The following ZNF606 variants were observed in gnomAD, a reference collection of about 807,000 sequenced individuals.
ZNF606 encodes the protein zinc finger protein 606, also known as zinc finger protein 328.
A neutral mutation model predicts 74.9 loss-of-function variants in ZNF606; 37 were observed. The ratio of observed to expected loss-of-function variants is 0.49; its 90% confidence interval spans 0.38 to 0.65. ZNF606 has a LOEUF of 0.65. ZNF606 is among the 30% of genes least tolerant of loss of function. ZNF606 has a pLI of 0.00. For synonymous variants in ZNF606, 328 were observed against 312.4 expected, an observed-to-expected ratio of 1.05 and a Z score of -0.53; for missense variants, 852 against 952.9, an observed-to-expected ratio of 0.89 and a Z score of 1.39.
chr19:57,980,110 C>T lies in ZNF606; in HGVS notation c.570G>A (p.Gln190=). 6.2e-7 allele frequency: 1 copy of T among 1,614,074 alleles called. No individual in the cohort carries two copies. Among genetic ancestry groups the T allele is most frequent in the Non-Finnish European group, 8.5e-7 (1 of 1,180,034 alleles). Reference sequence around the variant, plus strand: ...AGACCATCTGCCTCATAGCTGTACTCTGGTTCATGTGGTACATTTCTAATT... The same window carrying T: ...AGACCATCTGCCTCATAGCTGTACTTTGGTTCATGTGGTACATTTCTAATT... ...KDQLEMYHMN[Q]STAMRQMVFM... is the part of the protein sequence containing the mutation. The change falls in exon 7 of 7, where the codon CAG becomes CAA. Residue 190 remains glutamine, a synonymous_variant. Coordinates refer to ENST00000551380, the MANE Select transcript of ZNF606 (RefSeq NM_001348022.3).
intron 4 of ZNF606, chr19:57,998,576 T>C (rs930241288): frequency 5.9e-5 from 9 of 152,190 alleles, no homozygotes; most frequent in Admixed American, 2.0e-4. Context: ...AGGGAGTGAC[T>C]ACTAATGGGT....
At chr19:57,995,536 T>G (rs1174311101) in intron 4 of ZNF606, among the ~76,000 whole-genome samples, 3 of 151,742 alleles carry the variant, frequency 2.0e-5, no homozygotes, top group Non-Finnish European at 4.4e-5. Flanking sequence ...GGAAAAAAAA[T>G]AGATTGTTGG....
At chr19:57,988,127 A>T in intron 6 of ZNF606, 80 bp downstream of exon 6, 1 of 1,042,842 alleles carries the variant, frequency 9.6e-7, no homozygotes, top group Non-Finnish European at 1.4e-6. Flanking sequence ...GAGGAAGGTA[A>T]CTCTTCATGG....
At chr19:57,988,805 GGA>G in intron 4 of ZNF606, 84 bp from the exon 5 acceptor site, 4 of 1,594,738 alleles carry the variant, frequency 2.5e-6, no homozygotes, top group Non-Finnish European at 3.4e-6. Flanking sequence ...ACAGCCCTGG[GGA>G]GAGAAGACAG....
rs778077765 is a variant in ZNF606 at position 58,002,732 on chromosome 19, C to T, written c.-388G>A. 1.3e-5 allele frequency: 6 copies of T among 453,998 alleles called. No homozygotes were observed. In the Admixed American group the frequency reaches 1.4e-4, roughly 11 times the overall value. The allele number at this position is 453,998 out of a possible 1,614,324, so 28.1% of individuals were successfully genotyped here. A position where few individuals can be genotyped will look rare whatever the true frequency, so the allele number is the denominator to read the frequency against. On this transcript the variant is annotated 5_prime_UTR_variant, in exon 1 of 7. Coordinates refer to ENST00000551380, the MANE Select transcript of ZNF606 (RefSeq NM_001348022.3). ...TCTCCCAGCCGGCTCTCCTGACCCC[C>T]CAAGCCCCGCAGCTACGGCGGCCCC...
chr19:58,001,705 T>G lies in ZNF606; in HGVS notation c.-51-335A>C, dbSNP rs555681233. ...CAATCCTCATATATTAGTGGTTGCC[T>G]AGAGCTGGGGGAAAAATGAAATGGG... is the stretch of plus-strand genomic sequence containing the variant. On this transcript the variant is annotated intron_variant, in intron 1 of 6. Transcript: ENST00000551380. 6.2e-4 allele frequency among the ~76,000 whole-genome samples: 94 copies of G among 152,238 alleles called. 1 individual carries two copies. Among genetic ancestry groups the G allele is most frequent in the Non-Finnish European group, 6.9e-4 (47 of 68,012 alleles).
chr19:57,988,444 T>C (rs959151205), intron 5 of ZNF606, 142 bp from the exon 6 acceptor site: 6 of 1,382,882 alleles, frequency 4.3e-6, no homozygotes, highest in Non-Finnish European at 2.0e-6. Flanking sequence ...TCTTTAAGCA[T>C]TAGGAGTTTC....
intron 2 of ZNF606, chr19:58,001,037 G>A (rs1019871803): frequency 3.6e-6 from 2 of 555,278 alleles, no homozygotes; most frequent in African/African-American, 3.8e-5. Context: ...CTGTTGTTTA[G>A]GAAACCCCAC....
At chr19:57,991,819 T>C (rs2073266406) in intron 4 of ZNF606, among the ~76,000 whole-genome samples, 1 of 138,552 alleles carries the variant, frequency 7.2e-6, no homozygotes, top group Admixed American at 7.2e-5. Context: ...AAATGTAATA[T>C]GGCCACAGAA....
intron 3 of ZNF606, chr19:58,000,239 TGA>T: frequency 4.8e-6 from 2 of 417,164 alleles, no homozygotes; most frequent in Non-Finnish European, 8.5e-6. Flanking sequence ...TTTTTTTTTT[TGA>T]GACTGAGTCT....
chr19:57,982,079 T>C (rs1236582358), intron 6 of ZNF606, among the ~76,000 whole-genome samples: 1 of 152,210 alleles, frequency 6.6e-6, no homozygotes, highest in Non-Finnish European at 1.5e-5. Flanking sequence ...TAACTTAAGG[T>C]AACACAAATT....
chr19:57,978,388 A>G lies in ZNF606; in HGVS notation c.2292T>C (p.Phe764=). 6.2e-7 allele frequency: 1 copy of G among 1,613,230 alleles called. No individual in the cohort carries two copies. Among genetic ancestry groups the G allele is most frequent in the Non-Finnish European group, 8.5e-7 (1 of 1,179,232 alleles). The part of the protein sequence containing the change: ...HQRMHSGEKR[F]ICSECGKAFS... Reference sequence around the variant, plus strand: ...AGGCTTTTCCACATTCACTGCATATAAAGCGTTTCTCTCCACTATGCATTC... The same window carrying G: ...AGGCTTTTCCACATTCACTGCATATGAAGCGTTTCTCTCCACTATGCATTC... The change falls in exon 7 of 7, where the codon TTT becomes TTC. Residue 764 remains phenylalanine, a synonymous_variant. Transcript: ENST00000551380. This position sits in a 1 kb window ranked among gnomAD's most constrained non-coding sequence, Gnocchi z 4.4.
intron 6 of ZNF606, among the ~76,000 whole-genome samples, chr19:57,980,829 C>T (rs754839694): frequency 2.8e-5 from 3 of 108,800 alleles, no homozygotes; most frequent in East Asian, 2.5e-4. Flanking sequence ...AGCGATACAC[C>T]GTCTCAAAAA....
chr19:57,990,051 C>CAAAAAAAAAAAA lies in ZNF606; in HGVS notation c.178-1342_178-1331dup, dbSNP rs1159494660. On this transcript the variant is annotated intron_variant, in intron 4 of 6. Transcript: ENST00000551380. The stretch of plus-strand genomic sequence containing the variant: ...TGGATGACAGAGCGAGACTCCATCT[C>CAAAAAAAAAAAA]AAAAAAAAAAAAAAAAAAAAAAAAA... Among the ~76,000 whole-genome samples the CAAAAAAAAAAAA allele has an allele frequency of 7.9e-4, 11 of 13,842 alleles. 3 individuals carry two copies. The highest frequency in any genetic ancestry group is 1.2e-3 in the Non-Finnish European group (10 of 8,346). 9.1% of individuals were successfully genotyped at this position (13,842 alleles called of 152,430 possible).
rs929338312 is a variant in ZNF606, at chr19:57,981,503, G to A, written c.401-1224C>T. Among the ~76,000 whole-genome samples, 4 of 152,128 alleles carry A rather than the reference G, an allele frequency of 2.6e-5. No individual in the cohort carries two copies. In the East Asian group the frequency reaches 7.7e-4, roughly 29 times the overall value. ...ATCTTAACAAAAGTTAGGTAGATGA[G>A]CACACAAGGCCTTTAGCAAGTAATA... On this transcript the variant is annotated intron_variant, in intron 6 of 6. Transcript: ENST00000551380.
intron 6 of ZNF606, 96 bp from the exon 7 acceptor site, chr19:57,980,375 T>A: frequency 2.3e-6 from 3 of 1,297,958 alleles, no homozygotes; most frequent in Non-Finnish European, 3.1e-6. Context: ...TCAAAAACAC[T>A]AGTATAAATT....
intron 6 of ZNF606, among the ~76,000 whole-genome samples, chr19:57,982,904 C>T (rs959510487): frequency 6.6e-6 from 1 of 152,138 alleles, no homozygotes; most frequent in Non-Finnish European, 1.5e-5. Flanking sequence ...ACCTTGGCCT[C>T]CCAAAGCACT....
chr19:58,001,546 T>G (rs1438417802), intron 1 of ZNF606, among the ~76,000 whole-genome samples, 176 bp from the exon 2 acceptor site: 1 of 152,190 alleles, frequency 6.6e-6, no homozygotes, highest in African/African-American at 2.4e-5. Flanking sequence ...TGAAAGGTAA[T>G]TTGCATAAGC....
chr19:57,989,049 T>C (rs1464968379), intron 4 of ZNF606, among the ~76,000 whole-genome samples: 1 of 152,166 alleles, frequency 6.6e-6, no homozygotes, highest in African/African-American at 2.4e-5. Flanking sequence ...GGCAGTCATA[T>C]AAAAAGGCCT....
Sources: allele counts gnomAD v4.1 joint callset (sites outside exome capture counted in the v4.1 genomes callset), GRCh38; gene constraint gnomAD v4.1.1; non-coding constraint Gnocchi (gnomAD v3.1); transcripts MANE v1.5; gene names NCBI Gene and HGNC (gene_info 2026-07-23, HGNC 2026-07-21).